ITPR2: variants seen among roughly 807,000 people sequenced by gnomAD.
ITPR2 encodes the protein inositol 1,4,5-trisphosphate-gated calcium channel ITPR2.
ITPR2 carries 207 observed loss-of-function variants against 317.1 expected under a neutral mutation model. The ratio of observed to expected loss-of-function variants is 0.65; its 90% confidence interval spans 0.58 to 0.73. The LOEUF is 0.73. Ranked by LOEUF, ITPR2 falls within the 30% of genes least tolerant of loss-of-function variation. ITPR2 has a pLI of 0.00. For synonymous variants in ITPR2, 1,156 were observed against 1,149.1 expected (o/e 1.01, Z -0.12); for missense variants, 2,613 against 3,284.0 (o/e 0.80, Z 4.99).
At chr12:26,670,092 C>T (rs1027012275) in intron 13 of ITPR2, among the ~76,000 whole-genome samples, 4 of 152,246 alleles carry the variant, frequency 2.6e-5, no homozygotes, top group African/African-American at 9.6e-5. Flanking sequence ...GGCCTGCCTG[C>T]CTCTGTAGGC....
chr12:26,638,115 A>C (rs1946903506), intron 21 of ITPR2, among the ~76,000 whole-genome samples: 1 of 152,232 alleles, frequency 6.6e-6, no homozygotes, highest in African/African-American at 2.4e-5. Context: ...GTGTTATTCA[A>C]AGGATTAACT....
chr12:26,577,692 T>C (rs1945307925), intron 34 of ITPR2, among the ~76,000 whole-genome samples: 1 of 152,202 alleles, frequency 6.6e-6, no homozygotes, highest in Admixed American at 6.5e-5. Flanking sequence ...TGCCTTTCAT[T>C]GTATTCAAAT....
chr12:26,724,714 T>C lies in ITPR2; in HGVS notation c.308A>G (p.Asn103Ser). The change falls in exon 4 of 57, where the codon AAT becomes AGT. Residue 103 changes from asparagine to serine, a missense_variant. Asn to Ser is a conservative substitution (Grantham distance 46, BLOSUM62 1). Transcript: ENST00000381340. The part of the protein sequence containing the change: ...QHAAELEQKQ[N>S]ESENKKLLGE... ...CAACAGTTTCTTATTCTCCGATTCA[T>C]TTTGTTTTTGTTCCAGTTCTGCAGC... 1.9e-6 allele frequency: 3 copies of C among 1,606,482 alleles called. No homozygotes were observed. Among genetic ancestry groups the C allele is most frequent in the Non-Finnish European group, 2.6e-6 (3 of 1,174,596 alleles).
At chr12:26,669,017 C>G (rs1471090821) in intron 13 of ITPR2, among the ~76,000 whole-genome samples, 1 of 152,096 alleles carries the variant, frequency 6.6e-6, no homozygotes, top group Admixed American at 6.5e-5. Flanking sequence ...ACTCAGGCAG[C>G]TGAGGCAAGA....
chr12:26,356,531 G>T (rs1417398872), intron 55 of ITPR2, among the ~76,000 whole-genome samples: 1 of 152,178 alleles, frequency 6.6e-6, no homozygotes, highest in Admixed American at 6.5e-5. Flanking sequence ...AAGGCACAAG[G>T]TGTTGGTGAA....
At chr12:26,340,429 C>G in intron 55 of ITPR2, 101 bp from the exon 56 acceptor site, 1 of 1,223,276 alleles carries the variant, frequency 8.2e-7, no homozygotes, top group Non-Finnish European at 1.1e-6. Flanking sequence ...AGTCTCTTAG[C>G]ACTCAAATTG....
chr12:26,573,130 T>C (rs1035820885), intron 34 of ITPR2, among the ~76,000 whole-genome samples: 1 of 151,934 alleles, frequency 6.6e-6, no homozygotes, highest in Non-Finnish European at 1.5e-5. Flanking sequence ...GCAGTAAAGA[T>C]CTCCCACTTA....
At chr12:26,538,133 C>A (rs891492911) in intron 37 of ITPR2, among the ~76,000 whole-genome samples, 4 of 152,144 alleles carry the variant, frequency 2.6e-5, no homozygotes, top group African/African-American at 9.7e-5. Flanking sequence ...GGCTCTAGGG[C>A]CAGATTGGCT....
At chr12:26,630,770 C>T (rs1365670480) in intron 22 of ITPR2, 1 of 152,016 alleles carries the variant, frequency 6.6e-6, no homozygotes, top group East Asian at 1.9e-4. Context: ...TAAATGTGGG[C>T]TAAAATGAGG....
intron 32 of ITPR2, among the ~76,000 whole-genome samples, chr12:26,589,821 TAAATAAATAAAC>T (rs1210072593): frequency 0.14 from 4,242 of 30,554 alleles, 750 homozygotes; most frequent in Non-Finnish European, 0.23. Context: ...AATAAATAAA[TAAATAAATAAAC>T]ATATATATAT....
Position 26,722,528 on chromosome 12 carries a change from G to T in ITPR2, c.394C>A (p.Leu132Ile). ...QLLHIKSNKY[L>I]TVNKRLPALL... ...GCAGGTAATCTCTTGTTGACAGTAA[G>T]ATATTTGTTGCTTTTTATATGCAGT... The change falls in exon 5 of 57, where the codon CTT (leucine) becomes ATT (isoleucine). Residue 132 changes from leucine to isoleucine, a missense_variant. Coordinates refer to ENST00000381340, the MANE Select transcript of ITPR2 (RefSeq NM_002223.4). 6.2e-7 allele frequency: 1 copy of T among 1,612,588 alleles called. No homozygotes were observed. Among genetic ancestry groups the T allele is most frequent in the Non-Finnish European group, 8.5e-7 (1 of 1,179,066 alleles).
chr12:26,342,511 G>C (rs1178841259), intron 55 of ITPR2, among the ~76,000 whole-genome samples: 3 of 67,070 alleles, frequency 4.5e-5, no homozygotes, highest in Non-Finnish European at 1.0e-4. Context: ...GGGGGGGGGG[G>C]GGCGGGGGTC....
chr12:26,562,808 C>A (rs1944856280), intron 34 of ITPR2, among the ~76,000 whole-genome samples: 1 of 151,582 alleles, frequency 6.6e-6, no homozygotes, highest in African/African-American at 2.4e-5. Context: ...AGGAGATATA[C>A]CTAATGTAAA....
chr12:26,628,188 A>T, intron 22 of ITPR2, 26 bp from the exon 23 acceptor site: 5 of 1,562,338 alleles, frequency 3.2e-6, no homozygotes, highest in Non-Finnish European at 4.3e-6. Context: ...AGAACAACAT[A>T]AATTTCTTTC....
rs529516804 is a variant in ITPR2 at position 26,621,065 on chromosome 12, A to G, written c.3462+58T>C. ...AATTTTGATTGTAGAGCATGTGGTT[A>G]TATATCTGACTTAAAAGACATCATT... On this transcript the variant is annotated intron_variant, in intron 26 of 56. Coordinates refer to ENST00000381340, the MANE Select transcript of ITPR2 (RefSeq NM_002223.4). 3.5e-6 allele frequency: 5 copies of G among 1,423,550 alleles called. No homozygotes were observed. The South Asian group carries it at 6.5e-5, about 19-fold the overall frequency. 88.2% of individuals were successfully genotyped at this position (1,423,550 alleles called of 1,614,324 possible).
chr12:26,425,930 A>G (rs1345094488), intron 49 of ITPR2, among the ~76,000 whole-genome samples: 2 of 152,242 alleles, frequency 1.3e-5, no homozygotes, highest in Non-Finnish European at 2.9e-5. Flanking sequence ...ATCCTCTCCC[A>G]TGAGGGGAAA....
chr12:26,650,314 G>C (rs1012145809), intron 21 of ITPR2, among the ~76,000 whole-genome samples: 19 of 152,118 alleles, frequency 1.2e-4, no homozygotes, highest in African/African-American at 4.6e-4. Context: ...AATATGCAGA[G>C]CACAGAGAAT....
intron 48 of ITPR2, among the ~76,000 whole-genome samples, chr12:26,433,915 A>G (rs1248445321): frequency 6.6e-6 from 1 of 152,218 alleles, no homozygotes; most frequent in East Asian, 1.9e-4. Flanking sequence ...ACTGGATTGA[A>G]GTTTGCAATT....
intron 2 of ITPR2, among the ~76,000 whole-genome samples, chr12:26,783,342 C>T (rs989896569): frequency 2.0e-5 from 3 of 152,180 alleles, no homozygotes; most frequent in Non-Finnish European, 4.4e-5. Context: ...GACCAAATGG[C>T]CCAACACTGG....
Sources: allele counts gnomAD v4.1 joint callset (sites outside exome capture counted in the v4.1 genomes callset), GRCh38; gene constraint gnomAD v4.1.1; transcripts MANE v1.5; gene names NCBI Gene and HGNC (gene_info 2026-07-23, HGNC 2026-07-21).